Variants in DNAH7 observed in about 807,000 individuals in gnomAD.
DNAH7 encodes the protein dynein axonemal heavy chain 7.
DNAH7 carries 397 observed loss-of-function variants against 444.6 expected under a neutral mutation model. The ratio of observed to expected loss-of-function variants is 0.89; its 90% CI spans 0.82 to 0.97. The LOEUF (loss-of-function observed/expected upper bound fraction) is 0.97. DNAH7 is among the 50% of genes least tolerant of loss of function. The pLI is 0.00. For missense variants in DNAH7, 4,902 were observed against 4,800.8 expected (o/e 1.02, Z -0.62); for synonymous variants, 1,636 against 1,624.4 (o/e 1.01, Z -0.17).
At chr2:195,788,457 A>G (rs1695730401) in intron 57 of DNAH7, among the ~76,000 whole-genome samples, 1 of 152,256 alleles carries the variant, frequency 6.6e-6, no homozygotes, top group Admixed American at 6.5e-5. Flanking sequence ...TTTACAATTT[A>G]AAATGACTAC....
chr2:195,870,506 T>C (rs950269257), intron 40 of DNAH7, among the ~76,000 whole-genome samples: 2 of 152,200 alleles, frequency 1.3e-5, no homozygotes, highest in African/African-American at 4.8e-5. Context: ...GATTCACCCA[T>C]GACAAAATGC....
intron 19 of DNAH7, among the ~76,000 whole-genome samples, chr2:195,940,677 A>G (rs1689366343): frequency 6.6e-6 from 1 of 150,766 alleles, no homozygotes; most frequent in African/African-American, 2.4e-5. Context: ...AAGCCAATTA[A>G]AAAAAAAACC....
At chr2:195,863,317 C>G (rs867828147) in intron 41 of DNAH7, among the ~76,000 whole-genome samples, 1 of 152,230 alleles carries the variant, frequency 6.6e-6, no homozygotes, top group Non-Finnish European at 1.5e-5. Flanking sequence ...TCAAAACCCA[C>G]TCACGGGATC....
chr2:195,969,095 T>G (rs923614157), intron 17 of DNAH7, among the ~76,000 whole-genome samples: 1 of 152,268 alleles, frequency 6.6e-6, no homozygotes, highest in Non-Finnish European at 1.5e-5. Flanking sequence ...GTAACGTGAT[T>G]GCTCACCTGA....
intron 58 of DNAH7, among the ~76,000 whole-genome samples, chr2:195,781,974 T>TAC (rs1357047428): frequency 2.3e-5 from 1 of 44,380 alleles, no homozygotes; most frequent in African/African-American, 8.2e-5. Flanking sequence ...AGGTGGGTCT[T>TAC]ATACACACAC....
chr2:195,779,342 A>C (rs1348164946), intron 58 of DNAH7, among the ~76,000 whole-genome samples: 1 of 152,210 alleles, frequency 6.6e-6, no homozygotes, highest in Admixed American at 6.5e-5. Context: ...TAGATTCCTG[A>C]AAAGGAAATT....
rs188824398 is a variant in DNAH7 at position 196,065,490 on chromosome 2, T to C, written c.15+3207A>G. On this transcript the variant is annotated intron_variant, in intron 1 of 64. Coordinates refer to ENST00000312428, the MANE Select transcript of DNAH7 (RefSeq NM_018897.3). ...TGTGCTCTGCCTCAGATCAATTCTT[T>C]ACCCTCTTCTTCCTGCTCTGTGCCT... Among the ~76,000 whole-genome samples the C allele has an allele frequency of 2.7e-3, 417 of 152,348 alleles. 1 individual carries two copies. The highest frequency in any genetic ancestry group is 4.6e-3 in the Non-Finnish European group (314 of 68,030).
chr2:195,880,348 A>G (rs890440696), intron 36 of DNAH7, among the ~76,000 whole-genome samples: 4 of 111,184 alleles, frequency 3.6e-5, no homozygotes, highest in Non-Finnish European at 7.4e-5. Context: ...TTTTTTTTTG[A>G]GACGGAGTCT....
chr2:195,963,329 T>C (rs574958830), intron 17 of DNAH7, among the ~76,000 whole-genome samples: 3 of 152,338 alleles, frequency 2.0e-5, no homozygotes, highest in Admixed American at 1.3e-4. Context: ...GGTATCTCAT[T>C]GTAGTTTTGA....
Position 195,872,277 on chromosome 2 carries a change from T to C in DNAH7, c.6606A>G (p.Glu2202=), listed in dbSNP as rs1490609966. The C allele has an allele frequency of 6.2e-7, 1 of 1,613,790 alleles. No homozygotes were observed. Among genetic ancestry groups the C allele is most frequent in the Non-Finnish European group, 8.5e-7 (1 of 1,179,806 alleles). Residue 2202 remains glutamate (E), a synonymous_variant, in exon 40 of 65, where the codon GAA becomes GAG. Transcript: ENST00000312428. ...CATGAACCCAAAGACGTTTAATCAC[T>C]TCTGTGGTTTCTGTTGTTTCTGGTC... ...LSRPETTETT[E]VIKRLWVHEV...
At chr2:195,888,459 T>C (rs898787710) in intron 32 of DNAH7, 25 bp from the exon 33 acceptor site, 3 of 1,571,364 alleles carry the variant, frequency 1.9e-6, no homozygotes, top group East Asian at 4.6e-5. Context: ...TTGGTTACCA[T>C]CAAGGTAATA....
At chr2:195,954,052 G>T (rs1024272274) in intron 19 of DNAH7, among the ~76,000 whole-genome samples, 10 of 152,172 alleles carry the variant, frequency 6.6e-5, no homozygotes, top group African/African-American at 2.4e-4. Context: ...TATACTTTAA[G>T]TTCTAGGGTA....
chr2:195,912,798 G>A (rs1220219615), intron 24 of DNAH7, among the ~76,000 whole-genome samples: 6 of 152,174 alleles, frequency 3.9e-5, no homozygotes, highest in African/African-American at 1.4e-4. Context: ...AATACTGGGG[G>A]AAGCAAAAGA....
In DNAH7 at chr2:195,881,987, TA is replaced by T; in HGVS notation, c.5768del (p.Ile1923LysfsTer8). The T allele has an allele frequency of 1.9e-6, 3 of 1,612,818 alleles. No homozygotes were observed. Among genetic ancestry groups the T allele is most frequent in the Non-Finnish European group, 2.5e-6 (3 of 1,179,212 alleles). On this transcript the variant is annotated frameshift_variant, in exon 36 of 65. Coordinates refer to ENST00000312428, the MANE Select transcript of DNAH7 (RefSeq NM_018897.3). LOFTEE classifies it high-confidence loss of function. Reference protein sequence around the residue: ...IYDYQFVTEGIGKWEPWIKKL... With the variant: ...IYDYQFVTEGXGKWEPWIKKL... ...TCTTTATCCATGGTTCCCATTTTCC[TA>T]TTCCCTGTTTATAATTAACAACCAA...
chr2:195,907,451 C>G (rs73040672), intron 25 of DNAH7, among the ~76,000 whole-genome samples: 3,492 of 152,162 alleles, frequency 0.023, 112 homozygotes, highest in African/African-American at 0.08. Flanking sequence ...CCCTAGTTTG[C>G]GGTCCTAACC....
chr2:196,051,087 C>A, intron 3 of DNAH7, 100 bp downstream of exon 3: 2 of 1,042,518 alleles, frequency 1.9e-6, no homozygotes, highest in South Asian at 1.3e-5. Flanking sequence ...AGAAAAGAAT[C>A]AAATGGAGCA....
At chr2:195,935,151 T>A (rs1258267154) in intron 20 of DNAH7, among the ~76,000 whole-genome samples, 1 of 152,230 alleles carries the variant, frequency 6.6e-6, no homozygotes, top group Non-Finnish European at 1.5e-5. Flanking sequence ...ATCTGAAGAA[T>A]CTTCAAATGC....
At chr2:195,909,495 T>TA (rs1379897340) in intron 25 of DNAH7, among the ~76,000 whole-genome samples, 1 of 152,098 alleles carries the variant, frequency 6.6e-6, no homozygotes, top group Non-Finnish European at 1.5e-5. Context: ...AAAAAAGTAA[T>TA]ACACTGATTT....
In DNAH7 at chr2:195,858,501, C is replaced by CA; in HGVS notation, c.8039dup (p.Ala2681GlyfsTer4). The CA allele has an allele frequency of 1.2e-6, 2 of 1,610,242 alleles. No individual in the cohort carries two copies. The highest frequency in any genetic ancestry group is 1.7e-6 in the Non-Finnish European group (2 of 1,178,052). ...GTGCAGTAAGAGTATCAAGGGCGGC[C>CA]AGTGCTGACTCTAATATTGGCAAGG... On this transcript the variant is annotated frameshift_variant, in exon 43 of 65. Coordinates refer to ENST00000312428, the MANE Select transcript of DNAH7 (RefSeq NM_018897.3). LOFTEE classifies it high-confidence loss of function.
Sources: allele counts gnomAD v4.1 joint callset (sites outside exome capture counted in the v4.1 genomes callset), GRCh38; gene constraint gnomAD v4.1.1; transcripts MANE v1.5; gene names NCBI Gene and HGNC (gene_info 2026-07-23, HGNC 2026-07-21).